Variants in CFDP1 observed in about 807,000 individuals in gnomAD.
The protein encoded by CFDP1 is heterochromatin-stabilizing protein CFDP1.
A neutral mutation model predicts 40.1 loss-of-function variants in CFDP1; 31 were observed. That is an observed-to-expected ratio of 0.77 (90% CI 0.58 to 1.04). The LOEUF (loss-of-function observed/expected upper bound fraction) is 1.04. CFDP1 is among the 50% of genes least tolerant of loss of function. The pLI is 0.00. For missense variants in CFDP1, 423 were observed against 343.4 expected (o/e 1.23, Z -1.83); for synonymous variants, 167 against 120.0 (o/e 1.39, Z -2.56).
intron 5 of CFDP1, among the ~76,000 whole-genome samples, chr16:75,387,107 G>A (rs1180260631): frequency 6.6e-6 from 1 of 151,590 alleles, no homozygotes; most frequent in Non-Finnish European, 1.5e-5. Context: ...AGAACATGAA[G>A]GTGAAAGTCA....
At chr16:75,411,987 A>T in intron 3 of CFDP1, 35 bp from the exon 4 acceptor site, 1 of 1,569,580 alleles carries the variant, frequency 6.4e-7, no homozygotes, top group Non-Finnish European at 8.6e-7. Context: ...TGTTTCACCA[A>T]AAGATGAACC....
At chr16:75,430,933 G>A (rs112078729) in intron 1 of CFDP1, among the ~76,000 whole-genome samples, 7 of 152,186 alleles carry the variant, frequency 4.6e-5, no homozygotes, top group African/African-American at 1.2e-4. Flanking sequence ...CAGTCTCTCA[G>A]GTTAAATGTT....
chr16:75,341,334 T>G (rs1335624281), intron 5 of CFDP1, among the ~76,000 whole-genome samples: 1 of 152,188 alleles, frequency 6.6e-6, no homozygotes, highest in Non-Finnish European at 1.5e-5. Context: ...CTATTCCTAG[T>G]CCACAGTGGG....
chr16:75,361,196 C>T (rs904940733), intron 5 of CFDP1, among the ~76,000 whole-genome samples: 2 of 151,982 alleles, frequency 1.3e-5, no homozygotes, highest in Admixed American at 6.6e-5. Context: ...TTTTTAGTAG[C>T]GATGGGGTTT....
intron 1 of CFDP1, among the ~76,000 whole-genome samples, chr16:75,420,228 C>A (rs1287406956): frequency 6.6e-6 from 1 of 150,474 alleles, no homozygotes; most frequent in Non-Finnish European, 1.5e-5. Context: ...AACAAGTATA[C>A]AAGAGAGGGA....
chr16:75,302,132 A>G lies in CFDP1; in HGVS notation c.809+2892T>C, dbSNP rs147328996. On this transcript the variant is annotated intron_variant, in intron 6 of 6. Transcript: ENST00000283882. Reference sequence around the variant, plus strand: ...TAGTTAGTTGTTCCCTAACCCAGTTATGTGACTTTCCACTGCCTGAAAAGT... The same window carrying G: ...TAGTTAGTTGTTCCCTAACCCAGTTGTGTGACTTTCCACTGCCTGAAAAGT... Among the ~76,000 whole-genome samples, 986 of 152,356 alleles carry G rather than the reference A, an allele frequency of 6.5e-3. 9 individuals carry two copies. The highest frequency in any genetic ancestry group is 0.017 in the Middle Eastern group (5 of 294).
At chr16:75,336,300 C>T (rs1200483397) in intron 5 of CFDP1, among the ~76,000 whole-genome samples, 3 of 152,168 alleles carry the variant, frequency 2.0e-5, no homozygotes, top group African/African-American at 7.2e-5. Flanking sequence ...TAGATCCTGG[C>T]AGGCACAGGA....
At position 75,433,418 on chromosome 16, in the gene CFDP1, T is replaced by G; in HGVS notation, c.-66A>C. On this transcript the variant is annotated 5_prime_UTR_variant, in exon 1 of 7. An upstream open reading frame in the 5' UTR loses its in-frame stop. Transcript: ENST00000283882. ...GCAGCCGCCTCCAACGGCAAAGCTC[T>G]AGGGAGAGACCATAGAGCCCCGGCG... The G allele has an allele frequency of 2.7e-6, 4 of 1,490,280 alleles. No homozygotes were observed. Among genetic ancestry groups the G allele is most frequent in the Non-Finnish European group, 2.7e-6 (3 of 1,096,804 alleles). The allele number at this position is 1,490,280 out of a possible 1,614,324, so 92.3% of individuals were successfully genotyped here. A position where few individuals can be genotyped will look rare whatever the true frequency, so the allele number is the denominator to read the frequency against.
At chr16:75,396,808 G>C (rs981840158) in intron 4 of CFDP1, among the ~76,000 whole-genome samples, 1 of 151,494 alleles carries the variant, frequency 6.6e-6, no homozygotes, top group African/African-American at 2.4e-5. Context: ...AGGCTTTCCA[G>C]GTTAACAAAA....
chr16:75,418,193 C>A (rs1056519117), intron 1 of CFDP1, among the ~76,000 whole-genome samples: 5 of 119,648 alleles, frequency 4.2e-5, no homozygotes, highest in Admixed American at 2.1e-4. Flanking sequence ...GCGGAGGTTG[C>A]GATGAGCTGA....
rs59773362 is a variant in CFDP1 at position 75,316,740 on chromosome 16, C to T, written c.651-11558G>A. On this transcript the variant is annotated intron_variant, in intron 5 of 6. Coordinates refer to ENST00000283882, the MANE Select transcript of CFDP1 (RefSeq NM_006324.3). ...ATCCTAGCACTTTGGGAGGCCAAGG[C>T]GGGCGGATCACCTGAGGTCAGGAGT... Among the ~76,000 whole-genome samples, 1,022 of 152,176 alleles carry T rather than the reference C, an allele frequency of 6.7e-3. 3 individuals are homozygous for T. Among genetic ancestry groups the T allele is most frequent in the African/African-American group, 0.022 (898 of 41,534 alleles).
chr16:75,380,404 G>A (rs2078842897), intron 5 of CFDP1, among the ~76,000 whole-genome samples: 2 of 152,262 alleles, frequency 1.3e-5, no homozygotes, highest in South Asian at 4.1e-4. Context: ...AGCCGGCAGG[G>A]TGGGGTGGGG....
At position 75,293,899 on chromosome 16, in the gene CFDP1, A is replaced by G; in HGVS notation, c.*53T>C. The stretch of plus-strand genomic sequence containing the variant: ...ACTGTAAAACATTTCACAGACGCAC[A>G]AAAAGCTCACATTGTAAACAGGATT... On this transcript the variant is annotated 3_prime_UTR_variant, in exon 7 of 7. Transcript: ENST00000283882. 6.9e-7 allele frequency: 1 copy of G among 1,449,004 alleles called. No homozygotes were observed. The highest frequency in any genetic ancestry group is 2.3e-5 in the East Asian group (1 of 44,118). The allele number at this position is 1,449,004 out of a possible 1,614,324, so 89.8% of individuals were successfully genotyped here.
chr16:75,430,169 G>T lies in CFDP1; in HGVS notation c.64+3120C>A, dbSNP rs1374447410. ...GTTGTGGAGACCAGAGGTTTTTTTT[G>T]TTTGTTTGTTTGTTTTTTCGAGATG... On this transcript the variant is annotated intron_variant, in intron 1 of 6. Coordinates refer to ENST00000283882, the MANE Select transcript of CFDP1 (RefSeq NM_006324.3). Among the ~76,000 whole-genome samples, 27 of 42,804 alleles carry T rather than the reference G, an allele frequency of 6.3e-4. 3 individuals carry two copies. Among genetic ancestry groups the T allele is most frequent in the Admixed American group, 4.2e-3 (10 of 2,392 alleles). 28.1% of individuals were successfully genotyped at this position (42,804 alleles called of 152,430 possible). A position where few individuals can be genotyped will look rare whatever the true frequency, so the allele number is the denominator to read the frequency against.
chr16:75,353,666 A>G (rs3851739), intron 5 of CFDP1, among the ~76,000 whole-genome samples: 112,012 of 149,190 alleles, frequency 0.75, 41,997 homozygotes, highest in Middle Eastern at 0.78. Context: ...GGAGAATGGC[A>G]TGAACCCGGG....
At chr16:75,374,392 G>C (rs2078776230) in intron 5 of CFDP1, among the ~76,000 whole-genome samples, 1 of 151,982 alleles carries the variant, frequency 6.6e-6, no homozygotes, top group Admixed American at 6.6e-5. Flanking sequence ...CAGGAAAATA[G>C]GCTTAGATTA....
intron 1 of CFDP1, among the ~76,000 whole-genome samples, chr16:75,418,294 T>C (rs1597399998): frequency 2.1e-5 from 3 of 139,812 alleles, no homozygotes; most frequent in Non-Finnish European, 3.1e-5. Flanking sequence ...AATATCAATA[T>C]GAACTCTAAC....
chr16:75,368,376 GGTGGA>G (rs1340355926), intron 5 of CFDP1, among the ~76,000 whole-genome samples: 1 of 152,188 alleles, frequency 6.6e-6, no homozygotes, highest in African/African-American at 2.4e-5. Context: ...AGGTTTTGGT[GGTGGA>G]GTGGATGGAG....
chr16:75,326,108 G>C (rs2078398986), intron 5 of CFDP1, among the ~76,000 whole-genome samples: 1 of 152,186 alleles, frequency 6.6e-6, no homozygotes, highest in African/African-American at 2.4e-5. Context: ...ACAGAATTTT[G>C]TGGAAAAGTG....
Sources: allele counts gnomAD v4.1 joint callset (sites outside exome capture counted in the v4.1 genomes callset), GRCh38; gene constraint gnomAD v4.1.1; transcripts MANE v1.5; gene names NCBI Gene and HGNC (gene_info 2026-07-23, HGNC 2026-07-21).